Variants in GSE1 observed in about 807,000 individuals in gnomAD.
GSE1 encodes the protein Gse1 coiled-coil protein.
GSE1 carries 32 observed loss-of-function variants against 112.6 expected under a neutral mutation model. The ratio of observed to expected loss-of-function variants is 0.28; its 90% CI spans 0.21 to 0.38. The LOEUF (loss-of-function observed/expected upper bound fraction) is 0.38. Ranked by LOEUF, GSE1 falls within the 10% of genes least tolerant of loss-of-function variation. The pLI is 1.00. For synonymous variants in GSE1, 1,115 were observed against 735.6 expected, an observed-to-expected ratio of 1.52 and a Z score of -8.35; for missense variants, 2,348 against 1,699.2, an observed-to-expected ratio of 1.38 and a Z score of -6.71.
At chr16:85,426,056 T>TGGATGGATGGATGGATGGAA (rs773440404) in intron 2 of GSE1, among the ~76,000 whole-genome samples, 13,599 of 143,876 alleles carry the variant, frequency 0.095, 832 homozygotes, top group East Asian at 0.26. Flanking sequence ...GATGGATGGA[T>TGGATGGATGGATGGATGGAA]GGATGGATGG....
At chr16:85,404,271 C>G (rs1317243486) in intron 2 of GSE1, among the ~76,000 whole-genome samples, 1 of 75,574 alleles carries the variant, frequency 1.3e-5, no homozygotes, top group African/African-American at 6.3e-5. Context: ...AGGGCTCCCC[C>G]AGATAATTCT....
Position 85,312,226 on chromosome 16 carries a change from AC to A in GSE1, c.2284-45232del, listed in dbSNP as rs754480173. Among the ~76,000 whole-genome samples, 358 of 94,222 alleles carry A rather than the reference AC, an allele frequency of 3.8e-3. 3 individuals carry two copies. Among genetic ancestry groups the A allele is most frequent in the Non-Finnish European group, 5.3e-3 (258 of 48,318 alleles). 61.8% of individuals were successfully genotyped at this position (94,222 alleles called of 152,430 possible). A position where few individuals can be genotyped will look rare whatever the true frequency, so the allele number is the denominator to read the frequency against. On this transcript the variant is annotated intron_variant, in intron 1 of 2. Transcript: ENST00000637419. Reference sequence around the variant, plus strand: ...TTGCGGGGGGGGGGGGGACACACTTACCCCCAAACCCTAAACACAACTGAGT... The same window carrying A: ...TTGCGGGGGGGGGGGGGACACACTTACCCCAAACCCTAAACACAACTGAGT...
chr16:85,554,436 G>T (rs1299828622), upstream of GSE1, among the ~76,000 whole-genome samples: 3 of 152,198 alleles, frequency 2.0e-5, no homozygotes, highest in African/African-American at 7.2e-5. Context: ...CAGAATCCCA[G>T]TAATAGCATT....
intron 1 of GSE1, among the ~76,000 whole-genome samples, chr16:85,600,520 G>A (rs752281768): frequency 2.6e-5 from 4 of 151,958 alleles, no homozygotes; most frequent in Non-Finnish European, 4.4e-5. Context: ...TAAGAAGGCT[G>A]TGGTGTGTGT....
At chr16:85,520,147 G>C (rs1231974507) in intron 2 of GSE1, among the ~76,000 whole-genome samples, 1 of 152,318 alleles carries the variant, frequency 6.6e-6, no homozygotes, top group Admixed American at 6.5e-5. Context: ...TGGCAGATGA[G>C]GTGTTTGGTG....
intron 2 of GSE1, among the ~76,000 whole-genome samples, chr16:85,383,796 G>T (rs766441223): frequency 7.9e-5 from 12 of 152,142 alleles, no homozygotes; most frequent in Non-Finnish European, 1.3e-4. Flanking sequence ...CCCCATGAAG[G>T]CAGGAAGTCA....
chr16:85,234,057 C>T (rs1904349949), intron 1 of GSE1, among the ~76,000 whole-genome samples: 1 of 152,160 alleles, frequency 6.6e-6, no homozygotes, highest in Non-Finnish European at 1.5e-5. Flanking sequence ...TTCAATAGGA[C>T]AAGACCAGGG....
intron 1 of GSE1, among the ~76,000 whole-genome samples, chr16:85,199,908 C>G (rs966264707): frequency 3.9e-5 from 6 of 152,060 alleles, no homozygotes; most frequent in African/African-American, 1.2e-4. Context: ...GATGGGACAG[C>G]GTGGATGGCC....
intron 2 of GSE1, among the ~76,000 whole-genome samples, chr16:85,361,139 C>A (rs1340260066): frequency 5.8e-5 from 3 of 51,694 alleles, no homozygotes; most frequent in Non-Finnish European, 8.2e-5. Flanking sequence ...AGACCCCCCC[C>A]ACACAAACAC....
At chr16:85,307,907 A>G (rs1416124438) in intron 1 of GSE1, among the ~76,000 whole-genome samples, 2 of 152,230 alleles carry the variant, frequency 1.3e-5, no homozygotes, top group Non-Finnish European at 2.9e-5. Flanking sequence ...CTGTGAGTTC[A>G]GTTAATCCTT....
In GSE1 at chr16:85,665,127, T is replaced by C. The variant is rs749814935; in HGVS notation, c.2757T>C (p.Ser919=). ...SPRDSPAVSL[S]EPATQQASLD... ...GGGACAGTCCTGCCGTCTCCCTGAGTGGTAAGGGAAGGATAGCCCCACCTG... is the reference window on the plus strand; with the variant it reads ...GGGACAGTCCTGCCGTCTCCCTGAGCGGTAAGGGAAGGATAGCCCCACCTG... The change falls in exon 12 of 16, where the codon AGT becomes AGC. Residue 919 remains serine, a splice_region_variant and synonymous_variant. Coordinates refer to ENST00000253458, the MANE Select transcript of GSE1 (RefSeq NM_014615.5). The C allele has an allele frequency of 6.0e-5, 95 of 1,582,178 alleles. No homozygotes were observed. Among genetic ancestry groups the C allele is most frequent in the Non-Finnish European group, 7.6e-5 (88 of 1,151,658 alleles).
rs1327157865 is a variant in GSE1, at chr16:85,674,291, T to A, written c.*1752T>A. ...CTTTATCTGCCCCCGCACAGTTTGCTTTGTACGTCTGCCAAGAATCTTCCA... is the reference window on the plus strand; with the variant it reads ...CTTTATCTGCCCCCGCACAGTTTGCATTGTACGTCTGCCAAGAATCTTCCA... On this transcript the variant is annotated 3_prime_UTR_variant, in exon 16 of 16. Coordinates refer to ENST00000253458, the MANE Select transcript of GSE1 (RefSeq NM_014615.5). 6.6e-6 allele frequency: 1 copy of A among 152,258 alleles called. No individual in the cohort carries two copies. Among genetic ancestry groups the A allele is most frequent in the African/African-American group, 2.4e-5 (1 of 41,480 alleles). 9.4% of individuals were successfully genotyped at this position (152,258 alleles called of 1,614,324 possible).
At chr16:85,364,200 C>A (rs933548204) in intron 2 of GSE1, among the ~76,000 whole-genome samples, 2 of 152,164 alleles carry the variant, frequency 1.3e-5, no homozygotes, top group South Asian at 2.1e-4. Context: ...CCTTGACTTG[C>A]GGCCCCTCCC....
intron 1 of GSE1, among the ~76,000 whole-genome samples, chr16:85,201,508 TG>T (rs1279598924): frequency 6.6e-6 from 1 of 151,886 alleles, no homozygotes; most frequent in East Asian, 1.9e-4. Flanking sequence ...AAAAATTAGT[TG>T]GGCATGGTGG....
rs74972451 is a variant in GSE1 at position 85,200,330 on chromosome 16, A to G, written c.2283+28523A>G. On this transcript the variant is annotated intron_variant, in intron 1 of 2. Transcript: ENST00000637419. ...GGGCTCGCCAACCTCACCTTTATCT[A>G]GTAATCACAGGGAGAATAATGAATG... is the stretch of plus-strand genomic sequence containing the variant. Among the ~76,000 whole-genome samples, 307 of 150,308 alleles carry G rather than the reference A, an allele frequency of 2.0e-3. 2 individuals are homozygous for G. The highest frequency in any genetic ancestry group is 2.7e-3 in the Non-Finnish European group (181 of 67,804).
chr16:85,641,400 A>T (rs930531037), intron 2 of GSE1, among the ~76,000 whole-genome samples: 4 of 151,620 alleles, frequency 2.6e-5, no homozygotes, highest in Non-Finnish European at 5.9e-5. Context: ...CAGGGTGGGC[A>T]TGGGAGCCCG....
chr16:85,342,505 C>T (rs2151542523), intron 1 of GSE1, among the ~76,000 whole-genome samples: 1 of 152,246 alleles, frequency 6.6e-6, no homozygotes, highest in African/African-American at 2.4e-5. Flanking sequence ...GAGCTGAGAG[C>T]TCAGGGCGTG....
At chr16:85,429,603 C>T (rs532403837) in intron 2 of GSE1, among the ~76,000 whole-genome samples, 4 of 152,172 alleles carry the variant, frequency 2.6e-5, no homozygotes, top group African/African-American at 9.7e-5. Flanking sequence ...GTTCCATGGC[C>T]CCCAGCATCT....
intron 1 of GSE1, among the ~76,000 whole-genome samples, chr16:85,599,049 T>G (rs2047355186): frequency 6.6e-6 from 1 of 152,230 alleles, no homozygotes; most frequent in Non-Finnish European, 1.5e-5. Context: ...AGGAGACGTC[T>G]TCGGGTAAGG....
Sources: allele counts gnomAD v4.1 joint callset (sites outside exome capture counted in the v4.1 genomes callset), GRCh38; gene constraint gnomAD v4.1.1; transcripts MANE v1.5; gene names NCBI Gene and HGNC (gene_info 2026-07-23, HGNC 2026-07-21).